SYNE2: variants seen among roughly 807,000 people sequenced by gnomAD.
SYNE2 encodes the protein nesprin-2.
Under a neutral mutation model 856.3 loss-of-function variants are expected in SYNE2, and 431 were observed. That is an observed-to-expected ratio of 0.50 (90% CI 0.47 to 0.55). The LOEUF (loss-of-function observed/expected upper bound fraction) is 0.55, where lower values mean the gene tolerates loss of function less well. Ranked by LOEUF, SYNE2 falls within the 20% of genes least tolerant of loss-of-function variation. The pLI is 0.00. For missense variants in SYNE2, 8,129 were observed against 8,023.2 expected, an observed-to-expected ratio of 1.01 and a Z score of -0.50; for synonymous variants, 2,923 against 2,872.3, an observed-to-expected ratio of 1.02 and a Z score of -0.56.
intron 57 of SYNE2, 99 bp from the exon 58 acceptor site, chr14:64,087,572 T>A: frequency 7.7e-7 from 1 of 1,296,948 alleles, no homozygotes; most frequent in Non-Finnish European, 1.1e-6. Context: ...TAGTTTAAAA[T>A]GTTGAGATAA....
chr14:63,865,850 G>A (rs761865427), intron 1 of SYNE2, among the ~76,000 whole-genome samples: 1 of 151,968 alleles, frequency 6.6e-6, no homozygotes, highest in Non-Finnish European at 1.5e-5. Flanking sequence ...CTACTTCTGA[G>A]ATTCCTTTTT....
intron 45 of SYNE2, among the ~76,000 whole-genome samples, chr14:64,037,422 A>G (rs1224183661): frequency 6.6e-6 from 1 of 152,008 alleles, no homozygotes; most frequent in Non-Finnish European, 1.5e-5. Flanking sequence ...GACACAGCAC[A>G]TGTTTCAGAG....
chr14:64,202,090 C>G (rs912745357), intron 99 of SYNE2: 76 of 672,896 alleles, frequency 1.1e-4, no homozygotes, highest in Admixed American at 6.2e-5. Flanking sequence ...CTGCTCCACG[C>G]CGAGTTGGGC....
At position 64,048,396 on chromosome 14, in the gene SYNE2, C is replaced by G. The variant is rs141116890; in HGVS notation, c.7377+241C>G. On this transcript the variant is annotated intron_variant, in intron 46 of 115. Transcript: ENST00000555002. ...TTCTATTTCACAAAGTTCCTAAAGA[C>G]TTAGTGAGAAAATTTGGAGATTTTG... The G allele has an allele frequency of 6.1e-4, 198 of 323,672 alleles. 1 individual carries two copies. In the East Asian group the frequency reaches 0.011, roughly 18 times the overall value. The allele number at this position is 323,672 out of a possible 1,614,324, so 20.1% of individuals were successfully genotyped here. A position where few individuals can be genotyped will look rare whatever the true frequency, so the allele number is the denominator to read the frequency against.
chr14:63,949,172 G>A (rs912059953), intron 6 of SYNE2, among the ~76,000 whole-genome samples: 2 of 151,728 alleles, frequency 1.3e-5, no homozygotes, highest in South Asian at 2.1e-4. Context: ...ATACCATATC[G>A]CCCTCCAAAA....
At chr14:63,840,403 C>CT (rs965424416) in intron 1 of SYNE2, among the ~76,000 whole-genome samples, 2 of 83,696 alleles carry the variant, frequency 2.4e-5, no homozygotes, top group African/African-American at 1.1e-4. Context: ...CTTTCCTTTC[C>CT]TTCCTTCCTT....
chr14:64,050,016 T>C, intron 47 of SYNE2, 140 bp downstream of exon 47: 1 of 1,092,026 alleles, frequency 9.2e-7, no homozygotes, highest in Non-Finnish European at 1.3e-6. Flanking sequence ...TGTTATTTCA[T>C]ATGGATGCTG....
At chr14:64,004,271 T>G (rs1333388871) in intron 30 of SYNE2, among the ~76,000 whole-genome samples, 1 of 150,802 alleles carries the variant, frequency 6.6e-6, no homozygotes, top group Non-Finnish European at 1.5e-5. Context: ...CTCGACCTCG[T>G]GATCCACCTG....
intron 14 of SYNE2, among the ~76,000 whole-genome samples, chr14:63,980,139 A>G (rs1003695401): frequency 2.6e-5 from 4 of 152,190 alleles, no homozygotes; most frequent in African/African-American, 4.8e-5. Flanking sequence ...ATTGGCACAC[A>G]TAAGTATACA....
intron 6 of SYNE2, among the ~76,000 whole-genome samples, chr14:63,943,863 G>A (rs1305731332): frequency 6.6e-6 from 1 of 151,690 alleles, no homozygotes; most frequent in Non-Finnish European, 1.5e-5. Context: ...TAGAGACAGG[G>A]TTTTTCCATG....
intron 27 of SYNE2, among the ~76,000 whole-genome samples, chr14:63,999,737 G>A (rs2096739732): frequency 6.6e-6 from 1 of 152,164 alleles, no homozygotes; most frequent in Non-Finnish European, 1.5e-5. Flanking sequence ...TGCATTAGAG[G>A]GAACCCTCAC....
At chr14:63,838,195 C>G (rs557292698) in intron 1 of SYNE2, among the ~76,000 whole-genome samples, 11 of 152,120 alleles carry the variant, frequency 7.2e-5, no homozygotes, top group Non-Finnish European at 1.0e-4. Flanking sequence ...CATGGGGAAA[C>G]CTGTCTCTAC....
chr14:64,193,492 A>G (rs537117157), intron 99 of SYNE2, among the ~76,000 whole-genome samples: 4 of 152,176 alleles, frequency 2.6e-5, no homozygotes, highest in South Asian at 2.1e-4. Context: ...GGAGGTTGCA[A>G]TGAGCCTTGA....
intron 1 of SYNE2, among the ~76,000 whole-genome samples, chr14:63,842,139 T>G (rs959495768): frequency 1.1e-4 from 16 of 151,474 alleles, no homozygotes; most frequent in Non-Finnish European, 2.1e-4. Flanking sequence ...GGCCTTTTTT[T>G]GCCCATTTTT....
Position 64,024,984 on chromosome 14 carries a change from A to C in SYNE2, c.5913A>C (p.Glu1971Asp). The change falls in exon 40 of 116, where the codon GAA becomes GAC. Residue 1971 changes from glutamate (E) to aspartate (D), a missense_variant. Physicochemically the swap from Glu to Asp is conservative, Grantham distance 45. Transcript: ENST00000555002. The part of the protein sequence containing the change: ...NQEEKWKGME[E>D]PGEKTELFCQ... Reference sequence around the variant, plus strand: ...AAGAGAAATGGAAAGGAATGGAAGAACCAGGGGAGAAAACTGAGCTGTTCT... The same window carrying C: ...AAGAGAAATGGAAAGGAATGGAAGACCCAGGGGAGAAAACTGAGCTGTTCT... 3 of 1,614,110 alleles carry C rather than the reference A, an allele frequency of 1.9e-6. No individual in the cohort carries two copies. The highest frequency in any genetic ancestry group is 2.5e-6 in the Non-Finnish European group (3 of 1,179,966).
At chr14:64,166,693 C>T (rs149017508) in intron 90 of SYNE2, 2,864 of 186,878 alleles carry the variant, frequency 0.015, 94 homozygotes, top group African/African-American at 0.064. Flanking sequence ...CGCCTGTAAT[C>T]CCAGCACTTT....
At chr14:64,110,709 A>C (rs189625313) in intron 65 of SYNE2, among the ~76,000 whole-genome samples, 170 of 151,942 alleles carry the variant, frequency 1.1e-3, no homozygotes, top group African/African-American at 3.9e-3. Context: ...TGTAAAAAAC[A>C]AGGGAACTCT....
intron 1 of SYNE2, among the ~76,000 whole-genome samples, chr14:63,901,518 GA>G (rs1451911951): frequency 1.3e-5 from 2 of 151,972 alleles, no homozygotes; most frequent in Non-Finnish European, 2.9e-5. Context: ...TCTTTTAGTT[GA>G]AAAAAACCAG....
At chr14:63,899,039 T>G (rs12893838) in intron 1 of SYNE2, among the ~76,000 whole-genome samples, 85,702 of 152,000 alleles carry the variant, frequency 0.56, 25,030 homozygotes, top group South Asian at 0.7. Context: ...TAGTTAACTC[T>G]CCATTCCCTG....
Sources: allele counts gnomAD v4.1 joint callset (sites outside exome capture counted in the v4.1 genomes callset), GRCh38; gene constraint gnomAD v4.1.1; transcripts MANE v1.5; gene names NCBI Gene and HGNC (gene_info 2026-07-23, HGNC 2026-07-21).